CCDC180: variants seen among roughly 807,000 people sequenced by gnomAD.
The protein encoded by CCDC180 is coiled-coil domain-containing protein 180.
Under a neutral mutation model 209.2 loss-of-function variants are expected in CCDC180, and 154 were observed. The observed-to-expected ratio is 0.74, with a 90% CI of 0.65 to 0.84. The LOEUF (loss-of-function observed/expected upper bound fraction) is 0.84, where lower values mean the gene tolerates loss of function less well. CCDC180 is among the 40% of genes least tolerant of loss of function. The pLI is 0.00. For missense variants in CCDC180, 1,874 were observed against 1,997.3 expected (o/e 0.94, Z 1.18); for synonymous variants, 778 against 749.1 (o/e 1.04, Z -0.63).
At position 97,375,864 on chromosome 9, in the gene CCDC180, A is replaced by T. The variant is rs573592180; in HGVS notation, c.4842+275A>T. On this transcript the variant is annotated intron_variant, in intron 36 of 36. Coordinates refer to ENST00000529487, the MANE Select transcript of CCDC180 (RefSeq NM_020893.6). ...TTAGGGGTGAAGGCTTTCCAAAGGC[A>T]CAGTAGTGTCACAGCTAGGGAACAT... 9.3e-5 allele frequency: 42 copies of T among 453,188 alleles called. No individual in the cohort carries two copies. In the East Asian group the frequency reaches 1.2e-3, roughly 13 times the overall value. 28.1% of individuals were successfully genotyped at this position (453,188 alleles called of 1,614,324 possible).
Position 97,327,289 on chromosome 9 carries a change from A to G in CCDC180, c.1661+620A>G, listed in dbSNP as rs1011513352. 2.6e-5 allele frequency among the ~76,000 whole-genome samples: 4 copies of G among 152,188 alleles called. No homozygotes were observed. The South Asian group carries it at 8.3e-4, about 32-fold the overall frequency. ...TGCCCACTTTTCCTTTTTTATGGGC[A>G]TATACATTTATATATATGAATATAT... On this transcript the variant is annotated intron_variant, in intron 15 of 36. Transcript: ENST00000529487.
upstream of CCDC180, chr9:97,307,526 C>T (rs1832833279): frequency 3.3e-6 from 2 of 608,412 alleles, no homozygotes; most frequent in Admixed American, 2.7e-5. Flanking sequence ...ACACAGTAGG[C>T]GCCTAATTAG....
In CCDC180 at chr9:97,344,383, G is replaced by C. The variant is rs572340725; in HGVS notation, c.2498+820G>C. Among the ~76,000 whole-genome samples, 7 of 152,268 alleles carry C rather than the reference G, an allele frequency of 4.6e-5. No individual in the cohort carries two copies. In the South Asian group the frequency reaches 1.2e-3, roughly 27 times the overall value. The stretch of plus-strand genomic sequence containing the variant: ...CTACACCTGAGCAGCATCTCACCTT[G>C]GAAATGTCTCTTGACTCAAACATCA... On this transcript the variant is annotated intron_variant, in intron 19 of 36. Transcript: ENST00000529487.
At chr9:97,357,520 T>C (rs1826616412) in intron 24 of CCDC180, 107 bp from the exon 25 acceptor site, 6 of 737,026 alleles carry the variant, frequency 8.1e-6, no homozygotes, top group Non-Finnish European at 1.4e-5. Context: ...CCTGATTTCA[T>C]TTTTTTCAGT....
At chr9:97,326,700 G>GGGAT in intron 15 of CCDC180, 31 bp downstream of exon 15, 1 of 1,345,790 alleles carries the variant, frequency 7.4e-7, no homozygotes, top group South Asian at 1.2e-5. Flanking sequence ...AAGGCAGGAA[G>GGGAT]GGATGGTCAG....
Position 97,376,897 on chromosome 9 carries a change from C to T in CCDC180, c.*3C>T, listed in dbSNP as rs1339335894. On this transcript the variant is annotated 3_prime_UTR_variant, in exon 37 of 37. Transcript: ENST00000529487. ...CTATCCAAGGCCTGTATGTGTGACC[C>T]TCCGCCCCACCATGAATAAACACTT... 1 of 1,609,910 alleles carries T rather than the reference C, an allele frequency of 6.2e-7. No individual in the cohort carries two copies. The highest frequency in any genetic ancestry group is 1.1e-5 in the South Asian group (1 of 90,812).
chr9:97,314,253 G>A lies in CCDC180; in HGVS notation c.460-140G>A, dbSNP rs1020962344. 1.4e-5 allele frequency: 13 copies of A among 934,076 alleles called. No individual in the cohort carries two copies. The African/African-American group carries it at 1.8e-4, about 13-fold the overall frequency. 57.9% of individuals were successfully genotyped at this position (934,076 alleles called of 1,614,324 possible). ...GTGGCGTGGTTGTGAGCTGAGTAGTGAGCCTCAACTCGTTAGGTCTAGGCA... is the reference window on the plus strand; with the variant it reads ...GTGGCGTGGTTGTGAGCTGAGTAGTAAGCCTCAACTCGTTAGGTCTAGGCA... On this transcript the variant is annotated intron_variant, in intron 5 of 36. Transcript: ENST00000529487.
chr9:97,318,367 A>G (rs1452337771), intron 9 of CCDC180, 96 bp from the exon 10 acceptor site: 2 of 1,424,354 alleles, frequency 1.4e-6, no homozygotes, highest in South Asian at 1.3e-5. Context: ...AGGAGTGCTG[A>G]GGCTCTGAAT....
chr9:97,333,079 G>A (rs1038820235), intron 18 of CCDC180, among the ~76,000 whole-genome samples: 3 of 152,106 alleles, frequency 2.0e-5, no homozygotes, highest in South Asian at 2.1e-4. Context: ...ACATGAAGGG[G>A]TGTTGAATTT....
chr9:97,363,536 G>A, intron 28 of CCDC180: 2 of 515,382 alleles, frequency 3.9e-6, no homozygotes, highest in Admixed American at 2.0e-5. Flanking sequence ...CACTAGGGCT[G>A]CCAGATAAAA....
rs1299983290 is a variant in CCDC180 at position 97,308,096 on chromosome 9, G to T, written c.33G>T (p.Pro11=). The T allele has an allele frequency of 6.2e-7, 1 of 1,612,324 alleles. No homozygotes were observed. The highest frequency in any genetic ancestry group is 8.5e-7 in the Non-Finnish European group (1 of 1,179,224). The change falls in exon 2 of 37, where the codon CCG becomes CCT. Residue 11 remains proline (P), a synonymous_variant. Transcript: ENST00000529487. ...CAGTGGGGAAGGTGACCCAGGTTCC[G>T]AATGGGAAAGCCTACCAGCAGATCT... MSSVGKVTQV[P]NGKAYQQIFQ...
intron 2 of CCDC180, 80 bp from the exon 3 acceptor site, chr9:97,309,334 G>C (rs982486128): frequency 2.0e-5 from 28 of 1,414,092 alleles, no homozygotes; most frequent in Non-Finnish European, 2.2e-5. Flanking sequence ...TGTCTTTCTA[G>C]ACAGCCACCA....
At chr9:97,329,147 T>C (rs2118675801) in intron 16 of CCDC180, among the ~76,000 whole-genome samples, 1 of 152,320 alleles carries the variant, frequency 6.6e-6, no homozygotes, top group East Asian at 1.9e-4. Context: ...AGATTGCTAA[T>C]AGCTGCTCCC....
In CCDC180 at chr9:97,378,716, C is replaced by T. The variant is rs1374727215; in HGVS notation, c.*1822C>T. On this transcript the variant is annotated 3_prime_UTR_variant, in exon 37 of 37. Transcript: ENST00000529487. ...CTAGAAAGAAGGCAGAGATGACATCCTCCCACATTAGCTCTTTGTACACAT... is the reference window on the plus strand; with the variant it reads ...CTAGAAAGAAGGCAGAGATGACATCTTCCCACATTAGCTCTTTGTACACAT... Among the ~76,000 whole-genome samples, 2 of 152,186 alleles carry T rather than the reference C, an allele frequency of 1.3e-5. No individual in the cohort carries two copies. The highest frequency in any genetic ancestry group is 4.8e-5 in the African/African-American group (2 of 41,426).
intron 18 of CCDC180, among the ~76,000 whole-genome samples, chr9:97,343,124 T>C (rs1424795608): frequency 1.3e-5 from 2 of 152,212 alleles, no homozygotes; most frequent in Non-Finnish European, 2.9e-5. Context: ...TGACATATTT[T>C]CTGATGTTTT....
In CCDC180 at chr9:97,323,956, C is replaced by T. The variant is rs573857161; in HGVS notation, c.1371+53C>T. On this transcript the variant is annotated intron_variant, in intron 13 of 36. Coordinates refer to ENST00000529487, the MANE Select transcript of CCDC180 (RefSeq NM_020893.6). The stretch of plus-strand genomic sequence containing the variant: ...GAGCTGAGGTGGGGTTGGGGGTCCC[C>T]GGGGTTGCTGGGCTGTAGGGAGAGT... The T allele has an allele frequency of 2.1e-5, 33 of 1,539,630 alleles. No homozygotes were observed. The East Asian group carries it at 5.9e-4, about 28-fold the overall frequency.
At chr9:97,352,148 C>A (rs1564168260) in intron 22 of CCDC180, among the ~76,000 whole-genome samples, 2 of 141,278 alleles carry the variant, frequency 1.4e-5, no homozygotes, top group African/African-American at 5.2e-5. Context: ...CAACAACAAA[C>A]AATAAAGACG....
At position 97,366,636 on chromosome 9, in the gene CCDC180, C is replaced by T. The variant is rs1826929302; in HGVS notation, c.4125C>T (p.Asn1375=). Residue 1375 remains asparagine, a synonymous_variant, in exon 31 of 37, where the codon AAC becomes AAT. Coordinates refer to ENST00000529487, the MANE Select transcript of CCDC180 (RefSeq NM_020893.6). The surrounding 1 kb of genome is among the most constrained non-coding windows in gnomAD (Gnocchi z 4.3). The part of the protein sequence containing the change: ...MCDTFDQCAE[N]ISKKILEYQS... Reference sequence around the variant, plus strand: ...ACACCTTTGACCAGTGCGCCGAGAACATTAGCAAAAAGATCCTGGAGTATC... The same window carrying T: ...ACACCTTTGACCAGTGCGCCGAGAATATTAGCAAAAAGATCCTGGAGTATC... 1.2e-6 allele frequency: 2 copies of T among 1,614,104 alleles called. No homozygotes were observed. The highest frequency in any genetic ancestry group is 1.1e-5 in the South Asian group (1 of 91,086).
chr9:97,320,414 C>A (rs541074984), intron 11 of CCDC180, among the ~76,000 whole-genome samples: 9 of 152,280 alleles, frequency 5.9e-5, no homozygotes, highest in African/African-American at 1.4e-4. Flanking sequence ...ACACTAGCCG[C>A]ACCCTATGAC....
Sources: allele counts gnomAD v4.1 joint callset (sites outside exome capture counted in the v4.1 genomes callset), GRCh38; gene constraint gnomAD v4.1.1; non-coding constraint Gnocchi (gnomAD v3.1); transcripts MANE v1.5; gene names NCBI Gene and HGNC (gene_info 2026-07-23, HGNC 2026-07-21).